Variants in PCDHA12 observed in about 807,000 individuals in gnomAD.
PCDHA12 encodes the protein protocadherin alpha 12.
PCDHA12 carries 44 observed loss-of-function variants against 60.0 expected under a neutral mutation model. The ratio of observed to expected loss-of-function variants is 0.73; its 90% CI spans 0.58 to 0.94. The LOEUF is 0.94. Ranked by LOEUF, PCDHA12 falls within the 40% of genes least tolerant of loss-of-function variation. The pLI is 0.00. For synonymous variants in PCDHA12, 569 were observed against 553.0 expected (o/e 1.03, Z -0.40); for missense variants, 1,276 against 1,239.7 (o/e 1.03, Z -0.44).
chr5:140,966,313 C>G, intron 1 of PCDHA12: 1 of 386,824 alleles, frequency 2.6e-6, no homozygotes. Flanking sequence ...CGTGTTCCTG[C>G]GGTCCGCTGG....
intron 3 of PCDHA12, among the ~76,000 whole-genome samples, chr5:140,996,530 T>C (rs1423892657): frequency 6.6e-6 from 1 of 152,210 alleles, no homozygotes; most frequent in East Asian, 1.9e-4. Flanking sequence ...AGGCCCTGTG[T>C]GTTTTGATAT....
In PCDHA12 at chr5:141,010,916, A is replaced by G. The variant is rs1554263193; in HGVS notation, c.*979A>G. The G allele has an allele frequency of 6.5e-6, 1 of 153,780 alleles. No individual in the cohort carries two copies. The highest frequency in any genetic ancestry group is 2.4e-5 in the African/African-American group (1 of 41,454). 9.5% of individuals were successfully genotyped at this position (153,780 alleles called of 1,614,324 possible). On this transcript the variant is annotated 3_prime_UTR_variant, in exon 4 of 4. Transcript: ENST00000398631. ...ATACAATTCCCCTAAACTCTCCTCAAAAGAGAATTCAGTCTACAGCCATTT... is the reference window on the plus strand; with the variant it reads ...ATACAATTCCCCTAAACTCTCCTCAGAAGAGAATTCAGTCTACAGCCATTT...
chr5:140,882,420 A>C, intron 1 of PCDHA12: 1 of 1,614,046 alleles, frequency 6.2e-7, no homozygotes, highest in East Asian at 2.2e-5. Context: ...ATCGCTCAGG[A>C]CCTGGGGCTG....
intron 1 of PCDHA12, among the ~76,000 whole-genome samples, chr5:140,945,375 C>T (rs1414758644): frequency 1.3e-4 from 20 of 152,006 alleles, no homozygotes; most frequent in African/African-American, 3.9e-4. Context: ...GTCCATATTA[C>T]CCAAAGCAAT....
chr5:140,980,044 T>G (rs1249451662), intron 2 of PCDHA12, among the ~76,000 whole-genome samples: 11 of 152,258 alleles, frequency 7.2e-5, no homozygotes, highest in Non-Finnish European at 1.5e-4. Flanking sequence ...GGGTGCTATT[T>G]CTGATTCAGA....
At chr5:140,927,741 C>T (rs782292892) in intron 1 of PCDHA12, 1 of 1,614,244 alleles carries the variant, frequency 6.2e-7, no homozygotes, top group East Asian at 2.2e-5. Flanking sequence ...TGCGACACCG[C>T]TTTCACGTGC....
intron 1 of PCDHA12, among the ~76,000 whole-genome samples, chr5:140,891,044 C>G (rs1167178710): frequency 6.6e-6 from 1 of 152,030 alleles, no homozygotes; most frequent in Non-Finnish European, 1.5e-5. Flanking sequence ...GTGTGACCCC[C>G]ACAGCACATA....
intron 3 of PCDHA12, among the ~76,000 whole-genome samples, chr5:141,000,395 CTATATATATA>C (rs1190667031): frequency 1.9e-5 from 1 of 53,986 alleles, no homozygotes; most frequent in Non-Finnish European, 3.2e-5. Context: ...CTCTCTCTCT[CTATATATATA>C]TATATATATA....
rs782325875 is a variant in PCDHA12, at chr5:140,979,026, A to T, written c.2426+19A>T. The T allele has an allele frequency of 6.2e-7, 1 of 1,613,490 alleles. No homozygotes were observed. The highest frequency in any genetic ancestry group is 1.1e-5 in the South Asian group (1 of 90,898). On this transcript the variant is annotated intron_variant, in intron 2 of 3. Transcript: ENST00000398631. ...TGCACAGGTATGTATTTCCCTCCTC[A>T]TTCACTCAGAAGTAACCTTAACTTG...
intron 1 of PCDHA12, among the ~76,000 whole-genome samples, chr5:140,939,650 A>G (rs1203077314): frequency 1.3e-5 from 2 of 152,228 alleles, no homozygotes; most frequent in African/African-American, 2.4e-5. Flanking sequence ...GAAAACTTCA[A>G]TAACAGGAAT....
intron 1 of PCDHA12, among the ~76,000 whole-genome samples, chr5:140,959,041 T>C (rs1291778863): frequency 2.6e-5 from 4 of 152,118 alleles, no homozygotes; most frequent in Non-Finnish European, 5.9e-5. Flanking sequence ...GGTATGTATG[T>C]ATAGGAAAAA....
intron 1 of PCDHA12, among the ~76,000 whole-genome samples, chr5:140,957,264 A>G (rs1554222901): frequency 1.3e-5 from 2 of 152,198 alleles, no homozygotes; most frequent in African/African-American, 2.4e-5. Flanking sequence ...ATATGTAAGC[A>G]CTAGTCCCCC....
intron 1 of PCDHA12, among the ~76,000 whole-genome samples, chr5:140,976,851 T>C (rs1402328541): frequency 6.6e-6 from 1 of 152,206 alleles, no homozygotes; most frequent in African/African-American, 2.4e-5. Context: ...ATCCCTTTCA[T>C]AGAGTTTACT....
At chr5:140,909,471 A>G (rs1398595420) in intron 1 of PCDHA12, among the ~76,000 whole-genome samples, 3 of 152,328 alleles carry the variant, frequency 2.0e-5, no homozygotes, top group African/African-American at 7.2e-5. Context: ...TCTTCTTCAC[A>G]GGCTAAATAG....
intron 1 of PCDHA12, among the ~76,000 whole-genome samples, chr5:140,894,352 G>A (rs2064438357): frequency 6.6e-6 from 1 of 151,796 alleles, no homozygotes; most frequent in Admixed American, 6.6e-5. Context: ...TATTACTTCA[G>A]ATTTCTTCTT....
chr5:141,001,435 A>G (rs1377491641), intron 3 of PCDHA12, among the ~76,000 whole-genome samples: 4 of 152,202 alleles, frequency 2.6e-5, no homozygotes, highest in African/African-American at 7.2e-5. Flanking sequence ...TTCCATGGAA[A>G]AGTCTTTCCA....
chr5:140,895,257 T>C (rs1180344268), intron 1 of PCDHA12, among the ~76,000 whole-genome samples: 2 of 152,212 alleles, frequency 1.3e-5, no homozygotes, highest in Non-Finnish European at 1.5e-5. Flanking sequence ...AGCTTTCTTT[T>C]TTTTCTTACT....
At chr5:140,905,130 G>A (rs2071615464) in intron 1 of PCDHA12, among the ~76,000 whole-genome samples, 1 of 152,178 alleles carries the variant, frequency 6.6e-6, no homozygotes, top group African/African-American at 2.4e-5. Flanking sequence ...GTCTAGAAGA[G>A]TTTTTCTGCT....
chr5:140,936,091 C>T (rs782416143), intron 1 of PCDHA12, among the ~76,000 whole-genome samples: 2 of 152,046 alleles, frequency 1.3e-5, no homozygotes, highest in Non-Finnish European at 2.9e-5. Flanking sequence ...CAGGGTTTCA[C>T]CATGTTGGCC....
Sources: allele counts gnomAD v4.1 joint callset (sites outside exome capture counted in the v4.1 genomes callset), GRCh38; gene constraint gnomAD v4.1.1; transcripts MANE v1.5; gene names NCBI Gene and HGNC (gene_info 2026-07-23, HGNC 2026-07-21).